Variants in TRPC3 observed in about 807,000 individuals in gnomAD.
The protein encoded by TRPC3 is transient receptor potential cation channel subfamily C member 3.
A neutral mutation model predicts 90.9 loss-of-function variants in TRPC3; 54 were observed. That is an observed-to-expected ratio of 0.59 (90% CI 0.48 to 0.75). TRPC3 has a LOEUF of 0.75. Among genes scored for constraint, TRPC3 ranks in the 30% least tolerant of loss-of-function variants. TRPC3 has a pLI of 0.00. For missense variants in TRPC3, 918 were observed against 1,194.5 expected, an observed-to-expected ratio of 0.77 and a Z score of 3.41; for synonymous variants, 424 against 450.9, an observed-to-expected ratio of 0.94 and a Z score of 0.75.
At chr4:121,881,707 G>A (rs1450710699) in intron 11 of TRPC3, among the ~76,000 whole-genome samples, 4 of 152,106 alleles carry the variant, frequency 2.6e-5, no homozygotes, top group Non-Finnish European at 4.4e-5. Context: ...GGAAGGTACA[G>A]TTTCCATTTT....
intron 8 of TRPC3, 128 bp from the exon 9 acceptor site, chr4:121,903,189 AC>A: frequency 1.4e-6 from 1 of 731,400 alleles, no homozygotes. Flanking sequence ...ACATTTATCT[AC>A]ATATATTCTA....
chr4:121,929,861 G>A (rs1729836898), intron 2 of TRPC3, among the ~76,000 whole-genome samples: 1 of 150,514 alleles, frequency 6.6e-6, no homozygotes, highest in African/African-American at 2.5e-5. Flanking sequence ...TTTTCACTAG[G>A]AAAAAATTTT....
Position 121,899,616 on chromosome 4 carries a change from T to C in TRPC3, c.2543A>G (p.Tyr848Cys), listed in dbSNP as rs2149115666. ...FNSILNQPTR[Y>C]QQIMKRLIKR... ...ATACGTCTAATGAATGCTTACCTGA[T>C]AACGTGTTGGCTGATTGAGAATGCT... The change falls in exon 10 of 12, where the codon TAT (tyrosine) becomes TGT (cysteine). Residue 848 changes from tyrosine (Y) to cysteine (C), a missense_variant. Coordinates refer to ENST00000379645, the MANE Select transcript of TRPC3 (RefSeq NM_001130698.2). 6.2e-7 allele frequency: 1 copy of C among 1,612,994 alleles called. No individual in the cohort carries two copies. Among genetic ancestry groups the C allele is most frequent in the East Asian group, 2.2e-5 (1 of 44,766 alleles).
intron 10 of TRPC3, among the ~76,000 whole-genome samples, chr4:121,887,285 C>T (rs1436522239): frequency 1.3e-5 from 2 of 152,208 alleles, no homozygotes; most frequent in Non-Finnish European, 2.9e-5. Flanking sequence ...AACTATACTA[C>T]ATAGCATGTA....
chr4:121,905,714 T>C (rs776043025), intron 7 of TRPC3, among the ~76,000 whole-genome samples: 5 of 152,132 alleles, frequency 3.3e-5, no homozygotes, highest in Non-Finnish European at 5.9e-5. Flanking sequence ...ATTTTATAGA[T>C]TTGTAGGTTT....
chr4:121,931,368 CA>C (rs1348738504), intron 2 of TRPC3, among the ~76,000 whole-genome samples: 1 of 152,000 alleles, frequency 6.6e-6, no homozygotes, highest in Non-Finnish European at 1.5e-5. Flanking sequence ...AAGAAGCTGC[CA>C]AAAACAGTCT....
intron 2 of TRPC3, among the ~76,000 whole-genome samples, chr4:121,929,425 C>T (rs985454945): frequency 1.6e-4 from 25 of 152,164 alleles, no homozygotes; most frequent in African/African-American, 6.0e-4. Flanking sequence ...GTCATTGACT[C>T]AGTCAGAACT....
At chr4:121,908,428 C>T (rs1728963035) in intron 6 of TRPC3, among the ~76,000 whole-genome samples, 1 of 152,072 alleles carries the variant, frequency 6.6e-6, no homozygotes, top group Non-Finnish European at 1.5e-5. Flanking sequence ...CATGCACTTG[C>T]ATCTTCATTG....
chr4:121,925,060 T>A lies in TRPC3; in HGVS notation c.1134A>T (p.Ser378=). Residue 378 remains serine (S), a synonymous_variant, in exon 3 of 12, where the codon TCA becomes TCT. Transcript: ENST00000379645. ...EPLEVHRHKA[S]LSRVKLAIKY... The stretch of plus-strand genomic sequence containing the variant: ...TAATGGCAAGTTTGACACGACTTAA[T>A]GAAGCTTTGTGCCTGTGTACCTCCA... 1.2e-6 allele frequency: 2 copies of A among 1,613,884 alleles called. No homozygotes were observed. Among genetic ancestry groups the A allele is most frequent in the Non-Finnish European group, 1.7e-6 (2 of 1,179,938 alleles).
At chr4:121,915,766 A>C (rs1729292484) in intron 3 of TRPC3, among the ~76,000 whole-genome samples, 1 of 152,154 alleles carries the variant, frequency 6.6e-6, no homozygotes. Flanking sequence ...GATTTCTTTA[A>C]AGCCCTGTTC....
rs964331132 is a variant in TRPC3 at position 121,940,082 on chromosome 4, C to G, written c.216-7040G>C. 3.3e-5 allele frequency among the ~76,000 whole-genome samples: 5 copies of G among 152,288 alleles called. No individual in the cohort carries two copies. The East Asian group carries it at 9.7e-4, about 29-fold the overall frequency. Reference sequence around the variant, plus strand: ...AGTGTGCTGAATGCTGGTAGACAGACAGGCCACTGAGACTCTGAGCCCTTT... The same window carrying G: ...AGTGTGCTGAATGCTGGTAGACAGAGAGGCCACTGAGACTCTGAGCCCTTT... On this transcript the variant is annotated intron_variant, in intron 1 of 11. Coordinates refer to ENST00000379645, the MANE Select transcript of TRPC3 (RefSeq NM_001130698.2).
rs1730757399 is a variant in TRPC3, at chr4:121,951,559, C to A, written c.122G>T (p.Arg41Met). ...CGGCTCCAGCCCCCCGTTGACGCCC[C>A]TCCAGCCCCGGCGGCGGCGCTGCGG... ...AEPQRRRRGW[R>M]GVNGGLEPRS... Residue 41 changes from arginine (R) to methionine (M), a missense_variant, in exon 1 of 12, where the codon AGG (arginine) becomes ATG (methionine). Physicochemically the swap from Arg to Met is moderately conservative, Grantham distance 91 (BLOSUM62 -1). Around this residue, in one of 4 missense-constraint regions of TRPC3, gnomAD observed 609 missense variants for 725.9 expected, o/e 0.84. Transcript: ENST00000379645. This position sits in a 1 kb window ranked among gnomAD's most constrained non-coding sequence, Gnocchi z 4.4. 3 of 1,445,180 alleles carry A rather than the reference C, an allele frequency of 2.1e-6. No individual in the cohort carries two copies. Among genetic ancestry groups the A allele is most frequent in the African/African-American group, 1.5e-5 (1 of 67,412 alleles). The allele number at this position is 1,445,180 out of a possible 1,614,324, so 89.5% of individuals were successfully genotyped here.
intron 10 of TRPC3, among the ~76,000 whole-genome samples, chr4:121,893,120 C>CA (rs70950857): frequency 0.52 from 55,244 of 105,642 alleles, 12,082 homozygotes; most frequent in Admixed American, 0.56. Context: ...GACTCTGTCA[C>CA]AAAAAAAAAA....
At chr4:121,948,919 A>G (rs1329534334) in intron 1 of TRPC3, among the ~76,000 whole-genome samples, 1 of 151,162 alleles carries the variant, frequency 6.6e-6, no homozygotes, top group African/African-American at 2.4e-5. Flanking sequence ...TTACAGCATA[A>G]CTGCTCATGC....
At chr4:121,891,212 C>T (rs1266286548) in intron 10 of TRPC3, among the ~76,000 whole-genome samples, 2 of 152,110 alleles carry the variant, frequency 1.3e-5, no homozygotes, top group Admixed American at 1.3e-4. Context: ...AACATCTACA[C>T]ATACATTAAA....
chr4:121,898,511 T>G (rs1053007068), intron 10 of TRPC3, among the ~76,000 whole-genome samples: 3 of 152,196 alleles, frequency 2.0e-5, no homozygotes, highest in African/African-American at 7.2e-5. Flanking sequence ...ACTTTCACCC[T>G]GAAACCATCA....
intron 10 of TRPC3, among the ~76,000 whole-genome samples, chr4:121,893,114 C>G (rs1275648568): frequency 8.8e-6 from 1 of 113,606 alleles, no homozygotes; most frequent in Non-Finnish European, 1.7e-5. Context: ...GAGGCAGACT[C>G]TGTCACAAAA....
At chr4:121,939,230 T>C (rs1730226513) in intron 1 of TRPC3, among the ~76,000 whole-genome samples, 1 of 151,624 alleles carries the variant, frequency 6.6e-6, no homozygotes, top group Non-Finnish European at 1.5e-5. Context: ...TTTACAGGAG[T>C]GAAAAGAAAA....
At chr4:121,901,461 C>T (rs1728695161) in intron 9 of TRPC3, among the ~76,000 whole-genome samples, 1 of 152,170 alleles carries the variant, frequency 6.6e-6, no homozygotes, top group Non-Finnish European at 1.5e-5. Context: ...TGCACCTACC[C>T]CACACTGGTC....
Sources: gnomAD v4.1 joint callset for allele counts (sites outside exome capture counted in the v4.1 genomes callset) on GRCh38, gnomAD v4.1.1 for gene constraint, gnomAD v4.1.1 regional missense constraint, Gnocchi (gnomAD v3.1) non-coding constraint, MANE v1.5 for transcripts, NCBI Gene and HGNC (gene_info 2026-07-23, HGNC 2026-07-21) for gene names.